The following CERS1 variants were observed in gnomAD, a reference collection of about 807,000 sequenced individuals.
CERS1 encodes the protein ceramide synthase 1.
Under a neutral mutation model 35.7 loss-of-function variants are expected in CERS1, and 16 were observed. The observed-to-expected ratio is 0.45, with a 90% CI of 0.30 to 0.68. The LOEUF is 0.68. Ranked by LOEUF, CERS1 falls within the 30% of genes least tolerant of loss-of-function variation. The probability of loss-of-function intolerance (pLI) is 0.08; values close to 1 mark genes in which losing one functional copy is unlikely to be tolerated. For synonymous variants in CERS1, 243 were observed against 201.6 expected, an observed-to-expected ratio of 1.21 and a Z score of -1.74; for missense variants, 454 against 453.9, an observed-to-expected ratio of 1.00 and a Z score of 0.00.
chr19:18,891,365 T>A (rs527843637), intron 2 of CERS1, among the ~76,000 whole-genome samples: 96 of 152,268 alleles, frequency 6.3e-4, no homozygotes, highest in African/African-American at 2.0e-3. Flanking sequence ...CTGGTGGTCC[T>A]CGCAGGGCAG....
chr19:18,870,736 C>CG lies in CERS1; in HGVS notation c.1011-118dup. 1 of 450,496 alleles carries CG rather than the reference C, an allele frequency of 2.2e-6. No homozygotes were observed. The highest frequency in any genetic ancestry group is 3.5e-5 in the East Asian group (1 of 28,298). The allele number at this position is 450,496 out of a possible 1,614,324, so 27.9% of individuals were successfully genotyped here. ...CTGGCTCCTTTTACCCGGCCAGGCCCGGGCCTCGCCTTGTGGCTTCCTCCT... is the reference window on the plus strand; with the variant it reads ...CTGGCTCCTTTTACCCGGCCAGGCCCGGGGCCTCGCCTTGTGGCTTCCTCCT... On this transcript the variant is annotated intron_variant, in intron 6 of 7. Coordinates refer to ENST00000623882, the MANE Select transcript of CERS1 (RefSeq NM_021267.5). The surrounding 1 kb of genome is among the most constrained non-coding windows in gnomAD (Gnocchi z 5.1).
intron 6 of CERS1, among the ~76,000 whole-genome samples, chr19:18,871,199 A>G (rs1176346165): frequency 6.7e-6 from 1 of 148,636 alleles, no homozygotes; most frequent in Non-Finnish European, 1.5e-5. Flanking sequence ...CTGGGATTAC[A>G]GGGGCACGCC....
rs1021846241 is a variant in CERS1 at position 18,896,079 on chromosome 19, C to T, written c.-7G>A. The T allele has an allele frequency of 1.0e-6, 1 of 959,238 alleles. No homozygotes were observed. Among genetic ancestry groups the T allele is most frequent in the African/African-American group, 1.8e-5 (1 of 56,252 alleles). The allele number at this position is 959,238 out of a possible 1,614,324, so 59.4% of individuals were successfully genotyped here. On this transcript the variant is annotated 5_prime_UTR_variant, in exon 1 of 8. Transcript: ENST00000623882. This position sits in a 1 kb window ranked among gnomAD's most constrained non-coding sequence, Gnocchi z 5.9. ...CGGGCCCCGCCGCCGCCATACCGCC[C>T]GCTCGCCCGCCGTGCCCGTCGCCTG...
intron 6 of CERS1, among the ~76,000 whole-genome samples, chr19:18,875,805 C>G (rs1222432515): frequency 6.6e-6 from 1 of 152,088 alleles, no homozygotes; most frequent in Non-Finnish European, 1.5e-5. Flanking sequence ...AAGAGAAAGC[C>G]CTGGGAAGAC....
At chr19:18,877,130 T>A (rs542061949) in intron 6 of CERS1, among the ~76,000 whole-genome samples, 3 of 152,228 alleles carry the variant, frequency 2.0e-5, no homozygotes, top group Admixed American at 6.5e-5. Flanking sequence ...GTGGTGCCTA[T>A]GGGATCAATC....
At chr19:18,893,338 A>G (rs1020876579) in intron 2 of CERS1, 78 bp downstream of exon 2, 9 of 1,467,170 alleles carry the variant, frequency 6.1e-6, no homozygotes, top group African/African-American at 5.6e-5. Context: ...CTTCTGCCTC[A>G]TGAGTAGCTG....
chr19:18,879,138 G>A, intron 5 of CERS1, 99 bp from the exon 6 acceptor site: 1 of 1,589,426 alleles, frequency 6.3e-7, no homozygotes. Context: ...CACACGGGCT[G>A]TCTGCCACCT....
chr19:18,873,123 G>T (rs2056003907), intron 6 of CERS1, among the ~76,000 whole-genome samples: 1 of 152,132 alleles, frequency 6.6e-6, no homozygotes, highest in South Asian at 2.1e-4. Context: ...TCTTGCAAGG[G>T]TTTTGCCCCA....
chr19:18,878,899 G>A lies in CERS1; in HGVS notation c.1010+31C>T, dbSNP rs779836141. ...CTTGGACGGGTGACACTAAAGGAGG[G>A]AACGCGGGGTGCGGGCCCCTCCACA... is the stretch of plus-strand genomic sequence containing the variant. On this transcript the variant is annotated intron_variant, in intron 6 of 7. Transcript: ENST00000623882. The surrounding 1 kb of genome is among the most constrained non-coding windows in gnomAD (Gnocchi z 4.6). 3 of 1,609,574 alleles carry A rather than the reference G, an allele frequency of 1.9e-6. No individual in the cohort carries two copies. The highest frequency in any genetic ancestry group is 2.7e-5 in the African/African-American group (2 of 74,888).
intron 3 of CERS1, 36 bp downstream of exon 3, chr19:18,884,051 G>C: frequency 6.3e-7 from 1 of 1,594,454 alleles, no homozygotes; most frequent in Non-Finnish European, 8.6e-7. Flanking sequence ...TGTGTGGGCT[G>C]TGCCTCGGCC....
chr19:18,880,360 G>A lies in CERS1; in HGVS notation c.666C>T (p.Asn222=). Residue 222 remains asparagine (N), a synonymous_variant, in exon 4 of 8, where the codon AAC becomes AAT. Transcript: ENST00000623882. ...AGCCGCCGCGGGACTTGAAGTAAAT[G>A]TTGAGCTTGGTGAACTCAAGCTGCA... ...SDVQLEFTKL[N]IYFKSRGGSY... The A allele has an allele frequency of 6.4e-7, 1 of 1,570,570 alleles. No homozygotes were observed.
intron 2 of CERS1, among the ~76,000 whole-genome samples, chr19:18,886,599 G>A (rs1050654012): frequency 2.0e-5 from 3 of 152,126 alleles, no homozygotes; most frequent in African/African-American, 7.2e-5. Context: ...AAGGCGGGAA[G>A]CCATGCTGTG....
At position 18,884,109 on chromosome 19, in the gene CERS1, T is replaced by C; in HGVS notation, c.568A>G (p.Ile190Val). The C allele has an allele frequency of 6.2e-7, 1 of 1,612,944 alleles. No individual in the cohort carries two copies. The highest frequency in any genetic ancestry group is 1.3e-5 in the African/African-American group (1 of 74,970). ...TACCGGAAGGCGTAGGAGGAGACGATGAGGATGAGAGTGACCACGTGGTGG... is the reference window on the plus strand; with the variant it reads ...TACCGGAAGGCGTAGGAGGAGACGACGAGGATGAGAGTGACCACGTGGTGG... ...LLHHVVTLIL[I>V]VSSYAFRYHN... Residue 190 changes from isoleucine to valine, a missense_variant, in exon 3 of 8, where the codon ATC becomes GTC. Coordinates refer to ENST00000623882, the MANE Select transcript of CERS1 (RefSeq NM_021267.5).
chr19:18,896,030 G>A lies in CERS1; in HGVS notation c.43C>T (p.Pro15Ser), dbSNP rs1171255222. The A allele has an allele frequency of 2.0e-6, 2 of 995,472 alleles. No individual in the cohort carries two copies. Among genetic ancestry groups the A allele is most frequent in the Non-Finnish European group, 2.4e-6 (2 of 838,168 alleles). 61.7% of individuals were successfully genotyped at this position (995,472 alleles called of 1,614,324 possible). Residue 15 changes from proline (P) to serine (S), a missense_variant, in exon 1 of 8, where the codon CCC becomes TCC. Coordinates refer to ENST00000623882, the MANE Select transcript of CERS1 (RefSeq NM_021267.5). The surrounding 1 kb of genome is among the most constrained non-coding windows in gnomAD (Gnocchi z 5.9). ...GPAAGPTGPE[P>S]MPSYAQLVQR... ...ACTAGCTGCGCGTAGCTCGGCATGG[G>A]CTCGGGCCCCGTCGGCCCCGCCGCG...
chr19:18,874,537 T>C (rs1313634433), intron 6 of CERS1, among the ~76,000 whole-genome samples: 1 of 152,090 alleles, frequency 6.6e-6, no homozygotes, highest in South Asian at 2.1e-4. Flanking sequence ...TTACGGAGCA[T>C]TGAGTGCAGG....
intron 3 of CERS1, among the ~76,000 whole-genome samples, chr19:18,881,261 C>T (rs2056200034): frequency 6.6e-6 from 1 of 151,258 alleles, no homozygotes; most frequent in Non-Finnish European, 1.5e-5. Flanking sequence ...CTCTTGTTGC[C>T]CAGGCTGGAG....
rs762497401 is a variant in CERS1 at position 18,870,001 on chromosome 19, G to A, written c.*576C>T. The A allele has an allele frequency of 3.1e-6, 5 of 1,595,570 alleles. No individual in the cohort carries two copies. The highest frequency in any genetic ancestry group is 4.3e-6 in the Non-Finnish European group (5 of 1,172,740). ...CACTCACCGCGGTCCGGGATGTGGCGCACGATGTTTCCGGCGACCCCCAGC... is the reference window on the plus strand; with the variant it reads ...CACTCACCGCGGTCCGGGATGTGGCACACGATGTTTCCGGCGACCCCCAGC... On this transcript the variant is annotated 3_prime_UTR_variant, in exon 7 of 8. Coordinates refer to ENST00000623882, the MANE Select transcript of CERS1 (RefSeq NM_021267.5). This position sits in a 1 kb window ranked among gnomAD's most constrained non-coding sequence, Gnocchi z 5.1.
intron 6 of CERS1, chr19:18,877,906 A>G: frequency 1.1e-6 from 1 of 950,686 alleles, no homozygotes; most frequent in African/African-American, 1.8e-5. Flanking sequence ...CTCGAGCCAA[A>G]AGTCTTGAGT....
Position 18,884,098 on chromosome 19 carries a change from G to C in CERS1, c.579C>G (p.Ser193=). 6.2e-7 allele frequency: 1 copy of C among 1,613,204 alleles called. No individual in the cohort carries two copies. The highest frequency in any genetic ancestry group is 8.5e-7 in the Non-Finnish European group (1 of 1,179,596). The change falls in exon 3 of 8, where the codon TCC becomes TCG. Residue 193 remains serine, a synonymous_variant. Coordinates refer to ENST00000623882, the MANE Select transcript of CERS1 (RefSeq NM_021267.5). The part of the protein sequence containing the change: ...HVVTLILIVS[S]YAFRYHNVGI... Reference sequence around the variant, plus strand: ...GATCCTGTCCTTACCGGAAGGCGTAGGAGGAGACGATGAGGATGAGAGTGA... The same window carrying C: ...GATCCTGTCCTTACCGGAAGGCGTACGAGGAGACGATGAGGATGAGAGTGA...
Sources: allele counts gnomAD v4.1 joint callset (sites outside exome capture counted in the v4.1 genomes callset), GRCh38; gene constraint gnomAD v4.1.1; non-coding constraint Gnocchi (gnomAD v3.1); transcripts MANE v1.5; gene names NCBI Gene and HGNC (gene_info 2026-07-23, HGNC 2026-07-21).